Variants in CLASP1 observed in about 807,000 individuals in gnomAD.
CLASP1 encodes cytoplasmic linker associated protein 1.
A neutral mutation model predicts 192.3 loss-of-function variants in CLASP1; 38 were observed. That is an observed-to-expected ratio of 0.20 (90% CI 0.15 to 0.26). The LOEUF is 0.26. Ranked by LOEUF, CLASP1 falls within the 10% of genes least tolerant of loss-of-function variation. CLASP1 has a pLI of 1.00. For synonymous variants in CLASP1, 691 were observed against 712.8 expected, an observed-to-expected ratio of 0.97 and a Z score of 0.49; for missense variants, 1,433 against 1,932.5, an observed-to-expected ratio of 0.74 and a Z score of 4.85.
chr2:121,348,507 C>T lies in CLASP1; in HGVS notation c.4413+5G>A. On this transcript the variant is annotated splice_donor_5th_base_variant and intron_variant, in intron 38 of 39. Coordinates refer to ENST00000263710, the Ensembl canonical transcript of CLASP1. ...GGGGCAGGCCCCACCAACACGAGGGCCTACCTGCAGCAAGCCTGGGATGAT... is the reference window on the plus strand; with the variant it reads ...GGGGCAGGCCCCACCAACACGAGGGTCTACCTGCAGCAAGCCTGGGATGAT... 6.2e-7 allele frequency: 1 copy of T among 1,603,968 alleles called. No individual in the cohort carries two copies. Among genetic ancestry groups the T allele is most frequent in the Non-Finnish European group, 8.5e-7 (1 of 1,175,606 alleles).
chr2:121,465,274 T>C (rs1003308843), intron 9 of CLASP1, among the ~76,000 whole-genome samples: 13 of 152,170 alleles, frequency 8.5e-5, no homozygotes, highest in Middle Eastern at 3.2e-3. Flanking sequence ...GAAAACCCCA[T>C]TGTCTCAGCC....
chr2:121,378,967 T>TAAA (rs34669815), intron 33 of CLASP1, among the ~76,000 whole-genome samples: 11 of 130,574 alleles, frequency 8.4e-5, no homozygotes, highest in Non-Finnish European at 1.3e-4. Flanking sequence ...TATTCTGCCT[T>TAAA]AAAAAAAAAA....
chr2:121,469,362 A>C (rs2090254604), intron 9 of CLASP1, among the ~76,000 whole-genome samples: 1 of 152,066 alleles, frequency 6.6e-6, no homozygotes, highest in Non-Finnish European at 1.5e-5. Context: ...ATGCCCCAAT[A>C]CCTAGGGGCC....
intron 15 of CLASP1, 151 bp downstream of exon 15, chr2:121,451,639 G>A (rs1574984009): frequency 9.6e-6 from 6 of 626,402 alleles, no homozygotes; most frequent in Non-Finnish European, 1.7e-5. Context: ...TGAATATTAT[G>A]TGGCCAACAT....
chr2:121,557,460 T>C (rs927885869), intron 2 of CLASP1, among the ~76,000 whole-genome samples: 22 of 150,830 alleles, frequency 1.5e-4, no homozygotes, highest in African/African-American at 5.1e-4. Context: ...GGCAGGTGCC[T>C]ATAATCCCAG....
At position 121,438,376 on chromosome 2, in the gene CLASP1, A is replaced by C. The variant is rs368706810; in HGVS notation, c.1913-8199T>G. Among the ~76,000 whole-genome samples the C allele has an allele frequency of 5.7e-4, 87 of 152,362 alleles. 3 individuals are homozygous for C. In the Middle Eastern group the frequency reaches 0.014, roughly 24 times the overall value. ...CCTCTGTTTAAGGCAAAGTCAAGACAGACATTATATCAACTTGAAGATAAA... is the reference window on the plus strand; with the variant it reads ...CCTCTGTTTAAGGCAAAGTCAAGACCGACATTATATCAACTTGAAGATAAA... On this transcript the variant is annotated intron_variant, in intron 19 of 39. Transcript: ENST00000263710.
chr2:121,556,008 T>TTTTTTTG (rs1298152443), intron 2 of CLASP1, among the ~76,000 whole-genome samples: 1 of 137,734 alleles, frequency 7.3e-6, no homozygotes, highest in African/African-American at 2.8e-5. Context: ...TTTTTTTTTT[T>TTTTTTTG]TTTTTTTTTT....
chr2:121,362,904 C>T (rs868404100), intron 37 of CLASP1, among the ~76,000 whole-genome samples: 8 of 152,178 alleles, frequency 5.3e-5, no homozygotes, highest in South Asian at 2.1e-4. Context: ...GCTGGAAGCA[C>T]GGACATGGAA....
chr2:121,593,665 G>A (rs562439772), intron 2 of CLASP1, among the ~76,000 whole-genome samples: 1 of 144,052 alleles, frequency 6.9e-6, no homozygotes, highest in South Asian at 2.2e-4. Context: ...ACAGATATGA[G>A]ACCTAAATGT....
At chr2:121,613,948 T>C (rs900368992) in intron 1 of CLASP1, among the ~76,000 whole-genome samples, 2 of 152,232 alleles carry the variant, frequency 1.3e-5, no homozygotes, top group East Asian at 3.8e-4. Context: ...GCATTTTTAC[T>C]GCAGCTGAAG....
At chr2:121,365,349 T>C in intron 35 of CLASP1, 65 bp from the exon 37 acceptor site, 4 of 1,420,674 alleles carry the variant, frequency 2.8e-6, no homozygotes, top group Non-Finnish European at 3.9e-6. Context: ...GCTTGCTCAG[T>C]GGTGCGCAGT....
intron 1 of CLASP1, among the ~76,000 whole-genome samples, chr2:121,646,406 C>T (rs2073190912): frequency 6.6e-6 from 1 of 152,202 alleles, no homozygotes; most frequent in East Asian, 1.9e-4. Flanking sequence ...CTGCACCCAG[C>T]CTCTTCTCTT....
At chr2:121,365,022 G>A (rs1400061240) in intron 36 of CLASP1, 72 bp downstream of exon 37, 22 of 1,363,904 alleles carry the variant, frequency 1.6e-5, no homozygotes, top group Non-Finnish European at 2.3e-5. Context: ...CTGAAGCTAA[G>A]CCCAATAAGA....
chr2:121,531,640 C>G (rs1388444019), intron 2 of CLASP1, among the ~76,000 whole-genome samples: 3 of 142,048 alleles, frequency 2.1e-5, no homozygotes, highest in African/African-American at 8.0e-5. Context: ...GAGGCCGAGG[C>G]GGGCGGATCA....
chr2:121,348,217 C>T (rs1404782805), intron 38 of CLASP1, among the ~76,000 whole-genome samples: 1 of 152,118 alleles, frequency 6.6e-6, no homozygotes, highest in Non-Finnish European at 1.5e-5. Flanking sequence ...AGCAGGTGTG[C>T]AATAAGGGTT....
chr2:121,539,394 A>G (rs967015264), intron 2 of CLASP1, among the ~76,000 whole-genome samples: 43 of 152,206 alleles, frequency 2.8e-4, no homozygotes, highest in Admixed American at 2.0e-4. Flanking sequence ...GAGCAGTGAC[A>G]ATACGGCTAC....
At chr2:121,459,006 T>A in intron 12 of CLASP1, 31 bp from the exon 13 acceptor site, 1 of 1,529,558 alleles carries the variant, frequency 6.5e-7, no homozygotes, top group East Asian at 2.3e-5. Flanking sequence ...TGGACTATAG[T>A]TATTTTTCTT....
At chr2:121,373,748 G>C (rs747507496) in intron 34 of CLASP1, among the ~76,000 whole-genome samples, 3 of 152,230 alleles carry the variant, frequency 2.0e-5, no homozygotes, top group Non-Finnish European at 4.4e-5. Flanking sequence ...GAAGTTGAGA[G>C]AGATGATTTA....
intron 1 of CLASP1, among the ~76,000 whole-genome samples, chr2:121,625,480 G>A (rs2068149104): frequency 7.1e-6 from 1 of 141,694 alleles, no homozygotes; most frequent in Admixed American, 7.4e-5. Context: ...TGTTATCCAG[G>A]CTGGAGTGCA....
Sources: allele counts gnomAD v4.1 joint callset (sites outside exome capture counted in the v4.1 genomes callset), GRCh38; gene constraint gnomAD v4.1.1; transcripts MANE v1.5; gene names NCBI Gene and HGNC (gene_info 2026-07-23, HGNC 2026-07-21).